TMEM14B: variants seen among roughly 807,000 people sequenced by gnomAD.
TMEM14B encodes the protein transmembrane protein 14B.
In TMEM14B, 9 loss-of-function variants were observed where a neutral mutation model predicts 14.8. That is an observed-to-expected ratio of 0.61 (90% CI 0.37 to 1.06). TMEM14B has a LOEUF of 1.06. Among genes scored for constraint, TMEM14B ranks in the 50% least tolerant of loss-of-function variants. The pLI is 0.01. For missense variants in TMEM14B, 128 were observed against 143.6 expected (o/e 0.89, Z 0.56); for synonymous variants, 40 against 51.3 (o/e 0.78, Z 0.94).
chr6:10,751,062 A>G (rs2127494511), intron 3 of TMEM14B, 71 bp from the exon 4 acceptor site: 2 of 1,579,562 alleles, frequency 1.3e-6, no homozygotes, highest in South Asian at 2.2e-5. Flanking sequence ...GTAGGGCAGG[A>G]GGTCTGGTGG....
chr6:10,756,419 C>G (rs747821119), intron 5 of TMEM14B, 48 bp from the exon 6 acceptor site: 51 of 1,604,128 alleles, frequency 3.2e-5, no homozygotes, highest in Non-Finnish European at 4.3e-5. Context: ...ACATAGTTGC[C>G]TGTTCTATCC....
At chr6:10,752,013 G>A (rs1771595671) in intron 4 of TMEM14B, among the ~76,000 whole-genome samples, 1 of 152,066 alleles carries the variant, frequency 6.6e-6, no homozygotes, top group South Asian at 2.1e-4. Context: ...GGAGGGAGAA[G>A]CCGTGTGATC....
chr6:10,758,939 A>C, downstream of TMEM14B: 1 of 97,152 alleles, frequency 1.0e-5, no homozygotes. Context: ...TTTTTTTGAG[A>C]TGGAGTATGG....
chr6:10,753,188 A>G (rs879306700), intron 4 of TMEM14B, among the ~76,000 whole-genome samples: 1 of 151,396 alleles, frequency 6.6e-6, no homozygotes, highest in South Asian at 2.1e-4. Flanking sequence ...GTGAGCCGAG[A>G]TGACGCCACT....
chr6:10,758,397 C>A (rs1771875534), downstream of TMEM14B, among the ~76,000 whole-genome samples: 1 of 152,158 alleles, frequency 6.6e-6, no homozygotes, highest in African/African-American at 2.4e-5. Context: ...ACTATTTGAT[C>A]CCCAGCAATC....
intron 2 of TMEM14B, 40 bp from the exon 3 acceptor site, chr6:10,749,582 G>T (rs1298342317): frequency 1.2e-6 from 2 of 1,609,438 alleles, no homozygotes; most frequent in Non-Finnish European, 8.5e-7. Context: ...TTAAATCCAG[G>T]TTAGCACTGA....
intron 4 of TMEM14B, among the ~76,000 whole-genome samples, chr6:10,753,824 T>TAA (rs1771690962): frequency 6.6e-6 from 1 of 151,008 alleles, no homozygotes; most frequent in African/African-American, 2.5e-5. Context: ...TATCCTGAGT[T>TAA]GTCCTCTTTT....
At chr6:10,750,978 ACT>A (rs1329957552) in intron 3 of TMEM14B, among the ~76,000 whole-genome samples, 153 bp from the exon 4 acceptor site, 1 of 151,544 alleles carries the variant, frequency 6.6e-6, no homozygotes, top group East Asian at 1.9e-4. Flanking sequence ...AAGATAGCAC[ACT>A]CTCCTTAACG....
In TMEM14B at chr6:10,756,478, C is replaced by G. The variant is rs201878830; in HGVS notation, c.305C>G (p.Ala102Gly). Residue 102 changes from alanine (A) to glycine (G), a missense_variant, in exon 6 of 6, where the codon GCC (alanine) becomes GGC (glycine). Coordinates refer to ENST00000379542, the MANE Select transcript of TMEM14B (RefSeq NM_030969.5). ...GLIAGASLLMAAKVGVRMLMT... is the reference protein window; with the variant it reads ...GLIAGASLLMGAKVGVRMLMT... The stretch of plus-strand genomic sequence containing the variant: ...CTTGTTTTAAACAGTTTGCTGATGG[C>G]CGCCAAAGTTGGAGTTCGTATGTTG... The G allele has an allele frequency of 7.4e-6, 12 of 1,613,740 alleles. No individual in the cohort carries two copies. Among genetic ancestry groups the G allele is most frequent in the Non-Finnish European group, 1.0e-5 (12 of 1,179,884 alleles).
chr6:10,748,410 T>TTGTG lies in TMEM14B; in HGVS notation c.-45+545_-45+548dup, dbSNP rs59276471. Among the ~76,000 whole-genome samples the TTGTG allele has an allele frequency of 7.7e-3, 1,163 of 150,796 alleles. 8 individuals are homozygous for TTGTG. Among genetic ancestry groups the TTGTG allele is most frequent in the South Asian group, 0.012 (56 of 4,752 alleles). On this transcript the variant is annotated intron_variant, in intron 1 of 5. Transcript: ENST00000379542. ...ACAGGTGCATGCCATCATGCCCGAT[T>TTGTG]TGTGTGTGTGTGTGTGTGTTTTAAT...
rs1353311216 is a variant in TMEM14B at position 10,755,165 on chromosome 6, G to C, written c.226G>C (p.Gly76Arg). ...AGCCGCTACATCTGTTACTTTTGTTGGTGTTATGGGAATGAGATCCTACTA... is the reference window on the plus strand; with the variant it reads ...AGCCGCTACATCTGTTACTTTTGTTCGTGTTATGGGAATGAGATCCTACTA... ...FLAATSVTFV[G>R]VMGMRSYYYG... The change falls in exon 5 of 6, where the codon GGT becomes CGT. Residue 76 changes from glycine (G) to arginine (R), a missense_variant. Physicochemically the swap from Gly to Arg is moderately radical, Grantham distance 125. Coordinates refer to ENST00000379542, the MANE Select transcript of TMEM14B (RefSeq NM_030969.5). 6.2e-7 allele frequency: 1 copy of C among 1,613,818 alleles called. No individual in the cohort carries two copies. The highest frequency in any genetic ancestry group is 8.5e-7 in the Non-Finnish European group (1 of 1,180,018).
At chr6:10,758,547 A>G (rs1771878203), downstream of TMEM14B, among the ~76,000 whole-genome samples, 1 of 152,192 alleles carries the variant, frequency 6.6e-6, no homozygotes, top group South Asian at 2.1e-4. Flanking sequence ...CTAGCAGTGC[A>G]AAGAACAAGC....
downstream of TMEM14B, chr6:10,758,923 T>G: frequency 5.9e-6 from 1 of 169,838 alleles, no homozygotes; most frequent in Non-Finnish European, 1.2e-5. Flanking sequence ...TTTTTTTTTT[T>G]TTTTTTTTTT....
downstream of TMEM14B, chr6:10,759,164 G>A: frequency 2.0e-5 from 3 of 153,174 alleles, no homozygotes; most frequent in Non-Finnish European, 4.4e-5. Flanking sequence ...TGATCCACCT[G>A]TCTTGCCTCC....
chr6:10,755,538 G>A (rs952226236), intron 5 of TMEM14B: 1 of 1,349,750 alleles, frequency 7.4e-7, no homozygotes, highest in Non-Finnish European at 9.5e-7. Context: ...GGATGTGTGG[G>A]GGTCCCATAT....
chr6:10,749,591 G>C, intron 2 of TMEM14B, 31 bp from the exon 3 acceptor site: 3 of 1,612,698 alleles, frequency 1.9e-6, no homozygotes, highest in Non-Finnish European at 1.7e-6. Context: ...GGTTAGCACT[G>C]ACTTCTCACT....
chr6:10,752,386 C>T (rs1313469455), intron 4 of TMEM14B, among the ~76,000 whole-genome samples: 1 of 151,800 alleles, frequency 6.6e-6, no homozygotes, highest in Non-Finnish European at 1.5e-5. Flanking sequence ...ATTTGTATTC[C>T]TCCTTTTAGG....
intron 5 of TMEM14B, chr6:10,755,435 G>A (rs1332339503): frequency 4.8e-6 from 7 of 1,465,542 alleles, no homozygotes; most frequent in Middle Eastern, 2.2e-4. Flanking sequence ...TCACTGTGGA[G>A]ATGGCTTTGT....
downstream of TMEM14B, chr6:10,759,419 A>G (rs1424833064): frequency 6.6e-6 from 1 of 152,118 alleles, no homozygotes; most frequent in Non-Finnish European, 1.5e-5. Flanking sequence ...GTGTACCAAG[A>G]AATATCCTCA....
Sources: allele counts gnomAD v4.1 joint callset (sites outside exome capture counted in the v4.1 genomes callset), GRCh38; gene constraint gnomAD v4.1.1; transcripts MANE v1.5; gene names NCBI Gene and HGNC (gene_info 2026-07-23, HGNC 2026-07-21).